SDK1: variants seen among roughly 807,000 people sequenced by gnomAD.
SDK1 encodes protein sidekick-1.
Under a neutral mutation model 245.5 loss-of-function variants are expected in SDK1, and 157 were observed. The observed-to-expected ratio is 0.64, with a 90% confidence interval of 0.56 to 0.73. The LOEUF (loss-of-function observed/expected upper bound fraction) is 0.73. Ranked by LOEUF, SDK1 falls within the 30% of genes least tolerant of loss-of-function variation. The pLI, the probability that SDK1 is intolerant of heterozygous loss-of-function variation, is 0.00. For missense variants in SDK1, 3,583 were observed against 3,002.3 expected, an observed-to-expected ratio of 1.19 and a Z score of -4.52; for synonymous variants, 1,647 against 1,278.5, an observed-to-expected ratio of 1.29 and a Z score of -6.15.
chr7:3,759,281 G>A (rs769719399), intron 4 of SDK1, among the ~76,000 whole-genome samples: 2 of 152,166 alleles, frequency 1.3e-5, no homozygotes, highest in Non-Finnish European at 2.9e-5. Context: ...TAAATAGAAA[G>A]TGGGAATGTT....
intron 4 of SDK1, among the ~76,000 whole-genome samples, chr7:3,684,351 C>G (rs942019489): frequency 6.6e-6 from 1 of 152,220 alleles, no homozygotes; most frequent in Non-Finnish European, 1.5e-5. Flanking sequence ...TCCCCTCCCC[C>G]TTCCTGGTGG....
In SDK1 at chr7:3,959,590, C is replaced by A. The variant is rs1165273499; in HGVS notation, c.1234+576C>A. On this transcript the variant is annotated intron_variant, in intron 8 of 44. Coordinates refer to ENST00000404826, the MANE Select transcript of SDK1 (RefSeq NM_152744.4). ...CGCCCACCCCACACCCTTGTGAGTC[C>A]CCATTGTCTGTCCTTCCACACTCTG... 2.0e-5 allele frequency among the ~76,000 whole-genome samples: 3 copies of A among 152,182 alleles called. No homozygotes were observed. In the South Asian group the frequency reaches 6.2e-4, roughly 32 times the overall value.
chr7:4,068,048 C>A lies in SDK1; in HGVS notation c.3010+112C>A. On this transcript the variant is annotated intron_variant, in intron 20 of 44. Coordinates refer to ENST00000404826, the MANE Select transcript of SDK1 (RefSeq NM_152744.4). ...AGCATGGACCCGTGCCCATGGCCTTCTCAAGAGGAACTGAAAAGTCTTCCT... is the reference window on the plus strand; with the variant it reads ...AGCATGGACCCGTGCCCATGGCCTTATCAAGAGGAACTGAAAAGTCTTCCT... 8.2e-6 allele frequency: 6 copies of A among 731,018 alleles called. No individual in the cohort carries two copies. In the South Asian group the frequency reaches 8.9e-5, roughly 11 times the overall value. The allele number at this position is 731,018 out of a possible 1,614,324, so 45.3% of individuals were successfully genotyped here. A position where few individuals can be genotyped will look rare whatever the true frequency, so the allele number is the denominator to read the frequency against.
chr7:4,033,365 T>A (rs1391510412), intron 17 of SDK1, among the ~76,000 whole-genome samples: 1 of 152,152 alleles, frequency 6.6e-6, no homozygotes, highest in Admixed American at 6.5e-5. Flanking sequence ...AGTACTAGAA[T>A]AAAACACTAG....
At chr7:3,769,731 C>G (rs564748610) in intron 4 of SDK1, among the ~76,000 whole-genome samples, 1 of 151,962 alleles carries the variant, frequency 6.6e-6, no homozygotes, top group African/African-American at 2.4e-5. Flanking sequence ...GGACTGCCTT[C>G]TATGGTAGGT....
intron 1 of SDK1, among the ~76,000 whole-genome samples, chr7:3,617,201 A>C (rs962988542): frequency 1.3e-5 from 2 of 152,206 alleles, no homozygotes; most frequent in African/African-American, 2.4e-5. Context: ...AATACTAGCT[A>C]TTGCTGATAT....
At chr7:3,357,452 G>A (rs1780835087) in intron 1 of SDK1, among the ~76,000 whole-genome samples, 1 of 143,522 alleles carries the variant, frequency 7.0e-6, no homozygotes, top group Admixed American at 7.3e-5. Flanking sequence ...CTGGGCTCAG[G>A]TGATCTTCCC....
chr7:3,320,599 A>C (rs919405006), intron 1 of SDK1, among the ~76,000 whole-genome samples: 1 of 152,204 alleles, frequency 6.6e-6, no homozygotes, highest in Non-Finnish European at 1.5e-5. Context: ...CTGTGATGTT[A>C]GCTTATGGTC....
Position 3,366,034 on chromosome 7 carries a change from T to C in SDK1, c.298+64150T>C, listed in dbSNP as rs548408263. Among the ~76,000 whole-genome samples the C allele has an allele frequency of 6.3e-3, 732 of 116,236 alleles. 2 individuals carry two copies. Among genetic ancestry groups the C allele is most frequent in the Non-Finnish European group, 0.011 (552 of 52,364 alleles). 76.3% of individuals were successfully genotyped at this position (116,236 alleles called of 152,430 possible). ...AGCTTGGGCGACAAGAATGAAATTC[T>C]GTCTCAAAAAAAAAAAAAAGTCTCT... On this transcript the variant is annotated intron_variant, in intron 1 of 44. Coordinates refer to ENST00000404826, the MANE Select transcript of SDK1 (RefSeq NM_152744.4).
At chr7:3,318,708 G>C (rs1779723229) in intron 1 of SDK1, among the ~76,000 whole-genome samples, 1 of 151,968 alleles carries the variant, frequency 6.6e-6, no homozygotes, top group African/African-American at 2.4e-5. Flanking sequence ...GAGTTTTCTT[G>C]GCCTGTTGAT....
intron 17 of SDK1, among the ~76,000 whole-genome samples, chr7:4,029,540 T>C (rs768713134): frequency 1.3e-4 from 20 of 152,170 alleles, no homozygotes; most frequent in Non-Finnish European, 2.4e-4. Flanking sequence ...ATTCATTCAT[T>C]CATTCATTCA....
intron 22 of SDK1, among the ~76,000 whole-genome samples, chr7:4,100,175 G>A (rs780019347): frequency 1.2e-4 from 18 of 152,172 alleles, no homozygotes; most frequent in Non-Finnish European, 2.5e-4. Flanking sequence ...GAGTGTCAAC[G>A]TCCCTGTTTC....
At chr7:3,737,615 A>G (rs1199799225) in intron 4 of SDK1, among the ~76,000 whole-genome samples, 2 of 152,214 alleles carry the variant, frequency 1.3e-5, no homozygotes, top group African/African-American at 4.8e-5. Flanking sequence ...CTGGTCAGGC[A>G]ACTCCACTGG....
At chr7:4,065,116 C>T (rs1344736182) in intron 19 of SDK1, among the ~76,000 whole-genome samples, 1 of 152,188 alleles carries the variant, frequency 6.6e-6, no homozygotes, top group Non-Finnish European at 1.5e-5. Context: ...GCACTCTGAA[C>T]ACCCTAACTT....
chr7:3,534,641 G>A (rs573647777), intron 1 of SDK1, among the ~76,000 whole-genome samples: 4 of 151,654 alleles, frequency 2.6e-5, no homozygotes, highest in Admixed American at 6.6e-5. Context: ...TATTTCTCTC[G>A]GTCTCTGCCT....
At chr7:3,969,510 C>A in intron 11 of SDK1, 86 bp downstream of exon 11, 1 of 1,011,056 alleles carries the variant, frequency 9.9e-7, no homozygotes, top group Non-Finnish European at 1.4e-6. Flanking sequence ...GTCAGCATGC[C>A]CTTGGGCTTG....
chr7:3,861,839 A>G (rs559981436), intron 5 of SDK1, among the ~76,000 whole-genome samples: 2 of 152,342 alleles, frequency 1.3e-5, no homozygotes, highest in African/African-American at 2.4e-5. Context: ...GGATGTAATT[A>G]TCTGTCCTGA....
chr7:3,554,566 C>T (rs1779522220), intron 1 of SDK1, among the ~76,000 whole-genome samples: 1 of 152,102 alleles, frequency 6.6e-6, no homozygotes, highest in Admixed American at 6.6e-5. Flanking sequence ...CCAAATTACC[C>T]ACAGAAAAAA....
chr7:3,591,755 T>C (rs568316522), intron 1 of SDK1, among the ~76,000 whole-genome samples: 80 of 152,326 alleles, frequency 5.3e-4, no homozygotes, highest in Admixed American at 5.2e-3. Context: ...GAGGTGTTCA[T>C]ATATTGCTTT....
Sources: gnomAD v4.1 joint callset for allele counts (sites outside exome capture counted in the v4.1 genomes callset) on GRCh38, gnomAD v4.1.1 for gene constraint, MANE v1.5 for transcripts, NCBI Gene and HGNC (gene_info 2026-07-23, HGNC 2026-07-21) for gene names.